Variants in RPL15 observed in about 807,000 individuals in gnomAD.
The protein encoded by RPL15 is ribosomal protein L15, also known as large ribosomal subunit protein eL15.
For missense variants in RPL15, 161 were observed against 271.8 expected (o/e 0.59, Z 2.87); for synonymous variants, 97 against 95.1 (o/e 1.02, Z -0.12).
chr3:23,919,681 AATAAG>A lies in RPL15; in HGVS notation c.*185_*189del, dbSNP rs1309349650. The A allele has an allele frequency of 1.4e-6, 2 of 1,393,334 alleles. No individual in the cohort carries two copies. Among genetic ancestry groups the A allele is most frequent in the Non-Finnish European group, 1.9e-6 (2 of 1,078,988 alleles). The allele number at this position is 1,393,334 out of a possible 1,614,324, so 86.3% of individuals were successfully genotyped here. On this transcript the variant is annotated 3_prime_UTR_variant, in exon 4 of 4. Coordinates refer to ENST00000307839, the MANE Select transcript of RPL15 (RefSeq NM_002948.5). Reference sequence around the variant, plus strand: ...ATAAGTGGTGGTGTATCTTGTTTCTAATAAGATAAACTTTTTTGTCTTTGCTTTAT... The same window carrying A: ...ATAAGTGGTGGTGTATCTTGTTTCTAATAAACTTTTTTGTCTTTGCTTTAT...
intron 2 of RPL15, 103 bp downstream of exon 2, chr3:23,918,134 A>C: frequency 7.1e-7 from 1 of 1,412,976 alleles, no homozygotes; most frequent in Non-Finnish European, 9.5e-7. Flanking sequence ...TTCTTCGCAT[A>C]GGGCTTTGGC....
chr3:23,918,088 A>G, intron 2 of RPL15, 57 bp downstream of exon 2: 1 of 1,565,570 alleles, frequency 6.4e-7, no homozygotes, highest in Middle Eastern at 1.8e-4. Flanking sequence ...AAAGTTGGAA[A>G]CCAGCTGTTA....
rs1426625910 is a variant in RPL15 at position 23,920,292 on chromosome 3, G to A, written c.*791G>A. On this transcript the variant is annotated 3_prime_UTR_variant, in exon 4 of 4. Coordinates refer to ENST00000307839, the MANE Select transcript of RPL15 (RefSeq NM_002948.5). ...GGGGAAAGTAGTTGGCTATAAGTAC[G>A]TCATTCTTAGTCCAGTCAGTCTTAA... 11 of 985,618 alleles carry A rather than the reference G, an allele frequency of 1.1e-5. No individual in the cohort carries two copies. Among genetic ancestry groups the A allele is most frequent in the African/African-American group, 8.7e-5 (5 of 57,206 alleles). 61.1% of individuals were successfully genotyped at this position (985,618 alleles called of 1,614,324 possible). A position where few individuals can be genotyped will look rare whatever the true frequency, so the allele number is the denominator to read the frequency against.
Position 23,920,189 on chromosome 3 carries a change from G to A in RPL15, c.*688G>A, listed in dbSNP as rs1339886028. On this transcript the variant is annotated 3_prime_UTR_variant, in exon 4 of 4. Transcript: ENST00000307839. ...GCCATTAGATAAATACCTTTCAAGT[G>A]TGAGCTTAGACGTCAACCCTAAAAT... 1.2e-5 allele frequency: 12 copies of A among 985,658 alleles called. No homozygotes were observed. In the Admixed American group the frequency reaches 5.5e-4, roughly 45 times the overall value. The allele number at this position is 985,658 out of a possible 1,614,324, so 61.1% of individuals were successfully genotyped here.
downstream of RPL15, chr3:23,924,021 T>C (rs1269849517): frequency 6.6e-6 from 1 of 152,142 alleles, no homozygotes; most frequent in Non-Finnish European, 1.5e-5. Context: ...TCATATTACT[T>C]CCCTCCAAGA....
downstream of RPL15, chr3:23,923,414 T>G (rs1705150470): frequency 6.6e-6 from 1 of 152,158 alleles, no homozygotes; most frequent in Non-Finnish European, 1.5e-5. Context: ...AGACGGGGTT[T>G]CACCATTTTG....
At chr3:23,917,819 A>T (rs372207088) in intron 1 of RPL15, 31 bp from the exon 2 acceptor site, 2 of 1,576,260 alleles carry the variant, frequency 1.3e-6, no homozygotes, top group Non-Finnish European at 1.7e-6. Context: ...CTTAAAGCGG[A>T]TGATATTTAA....
Position 23,920,797 on chromosome 3 carries a change from G to A in RPL15, c.*1296G>A, listed in dbSNP as rs1036472651. The A allele has an allele frequency of 5.2e-6, 5 of 958,666 alleles. No individual in the cohort carries two copies. The Admixed American group carries it at 3.1e-4, about 59-fold the overall frequency. 59.4% of individuals were successfully genotyped at this position (958,666 alleles called of 1,614,324 possible). A position where few individuals can be genotyped will look rare whatever the true frequency, so the allele number is the denominator to read the frequency against. On this transcript the variant is annotated 3_prime_UTR_variant, in exon 4 of 4. Coordinates refer to ENST00000307839, the MANE Select transcript of RPL15 (RefSeq NM_002948.5). Reference sequence around the variant, plus strand: ...AGATCTTAAGTCATACATTTTAATTGTGTAGAGGTTGTTCAACTGAAGGAA... The same window carrying A: ...AGATCTTAAGTCATACATTTTAATTATGTAGAGGTTGTTCAACTGAAGGAA...
At chr3:23,923,333 G>A (rs1705148750), downstream of RPL15, 2 of 150,446 alleles carry the variant, frequency 1.3e-5, no homozygotes, top group African/African-American at 4.9e-5. Context: ...CGATTCTCCT[G>A]CCTCAGCCTC....
At chr3:23,918,928 T>C in intron 3 of RPL15, 1 of 530,064 alleles carries the variant, frequency 1.9e-6, no homozygotes, top group Non-Finnish European at 3.3e-6. Flanking sequence ...ACCCTAAATT[T>C]TGTTACCCAG....
rs757838005 is a variant in RPL15, at chr3:23,918,017, A to G, written c.158A>G (p.Tyr53Cys). The change falls in exon 2 of 4, where the codon TAC (tyrosine) becomes TGC (cysteine). Residue 53 changes from tyrosine (Y) to cysteine (C), a missense_variant. By Grantham distance (194) the Tyr-to-Cys change is radical (BLOSUM62 -2). Coordinates refer to ENST00000307839, the MANE Select transcript of RPL15 (RefSeq NM_002948.5). Reference sequence around the variant, plus strand: ...CCTGATAAAGCGCGCCGACTGGGCTACAAGGCCAAGCAAGGTACGTGATCG... The same window carrying G: ...CCTGATAAAGCGCGCCGACTGGGCTGCAAGGCCAAGCAAGGTACGTGATCG... ...TRPDKARRLG[Y>C]KAKQGYVIYR... The G allele has an allele frequency of 4.3e-6, 7 of 1,609,442 alleles. No homozygotes were observed. Among genetic ancestry groups the G allele is most frequent in the Non-Finnish European group, 5.9e-6 (7 of 1,178,608 alleles).
In RPL15 at chr3:23,919,599, GTTTC is replaced by G; in HGVS notation, c.*101_*104del. On this transcript the variant is annotated 3_prime_UTR_variant, in exon 4 of 4. Coordinates refer to ENST00000307839, the MANE Select transcript of RPL15 (RefSeq NM_002948.5). Reference sequence around the variant, plus strand: ...TGTCTGTTAAAACTAGTCTGCAGATGTTTCTTGAATGCTTTGTCAAATTAAGAAA... The same window carrying G: ...TGTCTGTTAAAACTAGTCTGCAGATGTTGAATGCTTTGTCAAATTAAGAAA... The G allele has an allele frequency of 2.1e-6, 3 of 1,424,732 alleles. No individual in the cohort carries two copies. Among genetic ancestry groups the G allele is most frequent in the Non-Finnish European group, 2.7e-6 (3 of 1,093,466 alleles). The allele number at this position is 1,424,732 out of a possible 1,614,324, so 88.3% of individuals were successfully genotyped here.
At chr3:23,918,396 C>G in intron 2 of RPL15, 44 bp from the exon 3 acceptor site, 1 of 1,598,068 alleles carries the variant, frequency 6.3e-7, no homozygotes, top group Non-Finnish European at 8.5e-7. Flanking sequence ...TTAAGCCTTA[C>G]GGCTTCCTAT....
Position 23,919,530 on chromosome 3 carries a change from TA to T in RPL15, c.*31del, listed in dbSNP as rs1704953435. On this transcript the variant is annotated 3_prime_UTR_variant, in exon 4 of 4. Coordinates refer to ENST00000307839, the MANE Select transcript of RPL15 (RefSeq NM_002948.5). ...AAGTAAAGTTTGTAAAATTCATACT[TA>T]ATAAACAATTTAGGACAGTCATGTC... 1 of 1,514,236 alleles carries T rather than the reference TA, an allele frequency of 6.6e-7. No homozygotes were observed. Among genetic ancestry groups the T allele is most frequent in the Admixed American group, 2.0e-5 (1 of 48,976 alleles). The allele number at this position is 1,514,236 out of a possible 1,614,324, so 93.8% of individuals were successfully genotyped here. A position where few individuals can be genotyped will look rare whatever the true frequency, so the allele number is the denominator to read the frequency against.
At chr3:23,918,997 C>A in intron 3 of RPL15, 199 bp from the exon 4 acceptor site, 1 of 596,656 alleles carries the variant, frequency 1.7e-6, no homozygotes, top group Non-Finnish European at 3.0e-6. Flanking sequence ...TGATGTGTTT[C>A]AGTCTATGTG....
rs1314030609 is a variant in RPL15 at position 23,920,269 on chromosome 3, G to A, written c.*768G>A. On this transcript the variant is annotated 3_prime_UTR_variant, in exon 4 of 4. Coordinates refer to ENST00000307839, the MANE Select transcript of RPL15 (RefSeq NM_002948.5). ...ATGAATCCCTTCAGTCACATTAGGGGGAAAGTAGTTGGCTATAAGTACGTC... is the reference window on the plus strand; with the variant it reads ...ATGAATCCCTTCAGTCACATTAGGGAGAAAGTAGTTGGCTATAAGTACGTC... The A allele has an allele frequency of 3.8e-5, 37 of 985,582 alleles. No individual in the cohort carries two copies. The highest frequency in any genetic ancestry group is 4.5e-5 in the Non-Finnish European group (37 of 829,852). 61.1% of individuals were successfully genotyped at this position (985,582 alleles called of 1,614,324 possible). A position where few individuals can be genotyped will look rare whatever the true frequency, so the allele number is the denominator to read the frequency against.
At chr3:23,918,383 G>A in intron 2 of RPL15, 57 bp from the exon 3 acceptor site, 3 of 1,581,916 alleles carry the variant, frequency 1.9e-6, no homozygotes, top group Non-Finnish European at 2.6e-6. Context: ...AAGCCATTGA[G>A]TCTTAAGCCT....
At chr3:23,918,755 C>G (rs948914646) in intron 3 of RPL15, 179 bp downstream of exon 3, 1 of 729,498 alleles carries the variant, frequency 1.4e-6, no homozygotes, top group South Asian at 1.9e-5. Flanking sequence ...GTTACAAATG[C>G]GTGTGTATAT....
chr3:23,920,102 T>A lies in RPL15; in HGVS notation c.*601T>A. The A allele has an allele frequency of 1.0e-6, 1 of 985,896 alleles. No homozygotes were observed. The highest frequency in any genetic ancestry group is 1.1e-4 in the East Asian group (1 of 8,826). 61.1% of individuals were successfully genotyped at this position (985,896 alleles called of 1,614,324 possible). On this transcript the variant is annotated 3_prime_UTR_variant, in exon 4 of 4. Transcript: ENST00000307839. ...TTTGAAGTTGAATGTGCGATAAAAT[T>A]ATTAGCCTTAAGATTGGTAAGCTAG...
Sources: gnomAD v4.1 joint callset for allele counts on GRCh38, gnomAD v4.1.1 for gene constraint, MANE v1.5 for transcripts, NCBI Gene and HGNC (gene_info 2026-07-23, HGNC 2026-07-21) for gene names.